Variants in RHEB observed in about 807,000 individuals in gnomAD.
RHEB encodes the protein Ras homolog, mTORC1 binding.
In RHEB, 2 loss-of-function variants were observed where a neutral mutation model predicts 28.8. The observed-to-expected ratio is 0.07, with a 90% CI of 0.03 to 0.22. RHEB has a LOEUF of 0.22. Among genes scored for constraint, RHEB ranks in the 10% least tolerant of loss-of-function variants. The pLI is 1.00. For synonymous variants in RHEB, 69 were observed against 77.3 expected (o/e 0.89, Z 0.56); for missense variants, 76 against 219.9 (o/e 0.35, Z 4.14).
rs772945091 is a variant in RHEB at position 151,514,907 on chromosome 7, C to T, written c.52+4553G>A. Among the ~76,000 whole-genome samples the T allele has an allele frequency of 7.2e-5, 11 of 151,920 alleles. 1 individual carries two copies. Among genetic ancestry groups the T allele is most frequent in the Non-Finnish European group, 1.0e-4 (7 of 67,968 alleles). On this transcript the variant is annotated intron_variant, in intron 1 of 7. Transcript: ENST00000262187. ...TAAAAAAACTAGCTGGGTGTGATGG[C>T]GCACACCTGCAGTCCTAGCTACTCG...
At chr7:151,498,366 ATT>A (rs1032634560) in intron 1 of RHEB, among the ~76,000 whole-genome samples, 2 of 152,144 alleles carry the variant, frequency 1.3e-5, no homozygotes, top group African/African-American at 4.8e-5. Flanking sequence ...AATCCTAGCA[ATT>A]TTGGAGACTG....
intron 4 of RHEB, among the ~76,000 whole-genome samples, chr7:151,474,018 G>A (rs368408561): frequency 1.2e-3 from 189 of 152,332 alleles, no homozygotes; most frequent in Non-Finnish European, 2.4e-3. Context: ...TGGACAAATC[G>A]TGGATGTAGT....
intron 1 of RHEB, among the ~76,000 whole-genome samples, chr7:151,508,857 T>C (rs1205271768): frequency 6.6e-6 from 1 of 152,140 alleles, no homozygotes; most frequent in Non-Finnish European, 1.5e-5. Flanking sequence ...ATTATTTGTA[T>C]AAATTTAGCT....
rs542768052 is a variant in RHEB at position 151,472,243 on chromosome 7, T to C, written c.276-638A>G. 9.9e-5 allele frequency among the ~76,000 whole-genome samples: 15 copies of C among 152,282 alleles called. No homozygotes were observed. The South Asian group carries it at 3.1e-3, about 32-fold the overall frequency. ...CATCACTGGCTCTACTTTCAAATCCTACCTAGAATCTGACGGCTTCTCACT... is the reference window on the plus strand; with the variant it reads ...CATCACTGGCTCTACTTTCAAATCCCACCTAGAATCTGACGGCTTCTCACT... On this transcript the variant is annotated intron_variant, in intron 4 of 7. Coordinates refer to ENST00000262187, the MANE Select transcript of RHEB (RefSeq NM_005614.4). The surrounding 1 kb of genome is among the most constrained non-coding windows in gnomAD (Gnocchi z 5.2).
chr7:151,503,754 G>A (rs1228402698), intron 1 of RHEB, among the ~76,000 whole-genome samples: 1 of 136,722 alleles, frequency 7.3e-6, no homozygotes, highest in African/African-American at 2.7e-5. Flanking sequence ...CGTTGCTCTT[G>A]TATTTTATGA....
At chr7:151,483,648 A>G (rs1802417269) in intron 3 of RHEB, among the ~76,000 whole-genome samples, 1 of 152,166 alleles carries the variant, frequency 6.6e-6, no homozygotes, top group African/African-American at 2.4e-5. Context: ...CTCAGGAGGC[A>G]CAGGTTGTAG....
chr7:151,466,319 CCTGT>C lies in RHEB; in HGVS notation c.*796_*799del, dbSNP rs1802059600. ...CAGGCAAGGCTGTTCTCAATCATCT[CCTGT>C]CTGACACGGACATCGAGCTAAGCTA... On this transcript the variant is annotated 3_prime_UTR_variant, in exon 8 of 8. Coordinates refer to ENST00000262187, the MANE Select transcript of RHEB (RefSeq NM_005614.4). 3 of 152,412 alleles carry C rather than the reference CCTGT, an allele frequency of 2.0e-5. No homozygotes were observed. The South Asian group carries it at 6.2e-4, about 32-fold the overall frequency. 9.4% of individuals were successfully genotyped at this position (152,412 alleles called of 1,614,324 possible).
intron 7 of RHEB, among the ~76,000 whole-genome samples, chr7:151,469,961 T>TG (rs1468755651): frequency 6.6e-6 from 1 of 151,960 alleles, no homozygotes; most frequent in East Asian, 1.9e-4. Flanking sequence ...AAAAATGCAC[T>TG]GGGGGCGGGA....
At chr7:151,507,686 A>T (rs553040018) in intron 1 of RHEB, among the ~76,000 whole-genome samples, 56 of 152,126 alleles carry the variant, frequency 3.7e-4, no homozygotes, top group African/African-American at 1.1e-3. Flanking sequence ...GGGAGATTTT[A>T]AAAAAAAGAA....
Position 151,519,401 on chromosome 7 carries a change from C to T in RHEB, c.52+59G>A, listed in dbSNP as rs113464809. ...CAAACTTCGCAGGCCCGGCCGCGAC[C>T]CGGCTCCCAGGCGAGGCCCCGGCGG... On this transcript the variant is annotated intron_variant, in intron 1 of 7. Coordinates refer to ENST00000262187, the MANE Select transcript of RHEB (RefSeq NM_005614.4). 9,115 of 1,265,758 alleles carry T rather than the reference C, an allele frequency of 7.2e-3. 64 individuals carry two copies. Among genetic ancestry groups the T allele is most frequent in the Middle Eastern group, 0.011 (36 of 3,288 alleles). The allele number at this position is 1,265,758 out of a possible 1,614,324, so 78.4% of individuals were successfully genotyped here.
intron 1 of RHEB, among the ~76,000 whole-genome samples, chr7:151,505,894 AT>A (rs1277193245): frequency 1.8e-4 from 27 of 152,324 alleles, no homozygotes; most frequent in African/African-American, 6.3e-4. Context: ...AAATGAGTAT[AT>A]ATTGTATGAT....
chr7:151,488,739 T>A (rs914676402), intron 2 of RHEB, among the ~76,000 whole-genome samples: 2 of 152,224 alleles, frequency 1.3e-5, no homozygotes, highest in Non-Finnish European at 2.9e-5. Context: ...TAAAGAAGTC[T>A]TCATTATTGA....
chr7:151,476,780 C>A (rs927909527), intron 4 of RHEB, among the ~76,000 whole-genome samples: 6 of 152,344 alleles, frequency 3.9e-5, no homozygotes, highest in African/African-American at 1.4e-4. Flanking sequence ...GTTCTGTTAA[C>A]AGACACAGAC....
chr7:151,475,620 C>T (rs900278740), intron 4 of RHEB, among the ~76,000 whole-genome samples: 5 of 152,034 alleles, frequency 3.3e-5, no homozygotes, highest in Non-Finnish European at 5.9e-5. Flanking sequence ...ATTTAAAGTG[C>T]TCTTATAAGT....
intron 1 of RHEB, among the ~76,000 whole-genome samples, chr7:151,516,228 A>G (rs1173078926): frequency 6.6e-6 from 1 of 152,190 alleles, no homozygotes; most frequent in African/African-American, 2.4e-5. Flanking sequence ...CAGGAAAAGT[A>G]CAGGGGACTG....
rs1802099121 is a variant in RHEB at position 151,468,200 on chromosome 7, T to C, written c.463-989A>G. ...CTGCCAGCGTCCCACCACACCACCT[T>C]CCCAGCTCTTTCTCTAGCTATCCTG... On this transcript the variant is annotated intron_variant, in intron 7 of 7. Coordinates refer to ENST00000262187, the MANE Select transcript of RHEB (RefSeq NM_005614.4). The surrounding 1 kb of genome is among the most constrained non-coding windows in gnomAD (Gnocchi z 4.3). Among the ~76,000 whole-genome samples, 1 of 152,080 alleles carries C rather than the reference T, an allele frequency of 6.6e-6. No individual in the cohort carries two copies. The highest frequency in any genetic ancestry group is 2.4e-5 in the African/African-American group (1 of 41,418).
chr7:151,470,898 A>G (rs1464820994), intron 6 of RHEB, among the ~76,000 whole-genome samples: 4 of 152,258 alleles, frequency 2.6e-5, no homozygotes, highest in African/African-American at 7.2e-5. Flanking sequence ...AGCTCAGAGA[A>G]CATGATCTTA....
intron 1 of RHEB, chr7:151,519,155 C>T (rs1175618711): frequency 6.3e-6 from 1 of 157,972 alleles, no homozygotes; most frequent in Admixed American, 6.5e-5. Flanking sequence ...CCTCACTTCC[C>T]CAGACGAGAC....
chr7:151,517,176 G>T (rs902425046), intron 1 of RHEB, among the ~76,000 whole-genome samples: 1 of 152,144 alleles, frequency 6.6e-6, no homozygotes, highest in Non-Finnish European at 1.5e-5. Flanking sequence ...CAAGCCTGAC[G>T]TTTGGCCAAG....
Sources: allele counts gnomAD v4.1 joint callset (sites outside exome capture counted in the v4.1 genomes callset), GRCh38; gene constraint gnomAD v4.1.1; non-coding constraint Gnocchi (gnomAD v3.1); transcripts MANE v1.5; gene names NCBI Gene and HGNC (gene_info 2026-07-23, HGNC 2026-07-21).